Variants in FN1 observed in about 807,000 individuals in gnomAD.
FN1 encodes fibronectin 1.
A neutral mutation model predicts 297.3 loss-of-function variants in FN1; 106 were observed. The ratio of observed to expected loss-of-function variants is 0.36; its 90% CI spans 0.30 to 0.42. The LOEUF (loss-of-function observed/expected upper bound fraction) is 0.42, where lower values mean the gene tolerates loss of function less well. Among genes scored for constraint, FN1 ranks in the 10% least tolerant of loss-of-function variants. FN1 has a pLI of 1.00. For missense variants in FN1, 2,690 were observed against 3,124.9 expected, an observed-to-expected ratio of 0.86 and a Z score of 3.32; for synonymous variants, 1,149 against 1,152.6, an observed-to-expected ratio of 1.00 and a Z score of 0.06.
chr2:215,388,636 T>C (rs1482047425), intron 26 of FN1, among the ~76,000 whole-genome samples: 2 of 152,236 alleles, frequency 1.3e-5, no homozygotes, highest in Non-Finnish European at 2.9e-5. Context: ...GGGCACATGA[T>C]AATCCTTGCT....
Position 215,361,340 on chromosome 2 carries a change from G to T in FN1, c.*215C>A. 1 of 592,650 alleles carries T rather than the reference G, an allele frequency of 1.7e-6. No homozygotes were observed. Among genetic ancestry groups the T allele is most frequent in the Non-Finnish European group, 3.0e-6 (1 of 331,078 alleles). 36.7% of individuals were successfully genotyped at this position (592,650 alleles called of 1,614,324 possible). A position where few individuals can be genotyped will look rare whatever the true frequency, so the allele number is the denominator to read the frequency against. On this transcript the variant is annotated 3_prime_UTR_variant, in exon 46 of 46. Coordinates refer to ENST00000354785, the MANE Select transcript of FN1 (RefSeq NM_212482.4). ...GTATTGAATACTTCGAAGCAGAACAGGCAATGTGCAGCCCTCATTTATGAG... is the reference window on the plus strand; with the variant it reads ...GTATTGAATACTTCGAAGCAGAACATGCAATGTGCAGCCCTCATTTATGAG...
At position 215,383,390 on chromosome 2, in the gene FN1, T is replaced by C. The variant is rs1171294173; in HGVS notation, c.4988A>G (p.Tyr1663Cys). Residue 1663 changes from tyrosine (Y) to cysteine (C), a missense_variant, in exon 31 of 46, where the codon TAC (tyrosine) becomes TGC (cysteine). Physicochemically the swap from Tyr to Cys is radical, Grantham distance 194. This residue lies in a region of FN1 where 1,743 missense variants were observed against 1,945.2 expected (regional missense o/e 0.90). Coordinates refer to ENST00000354785, the MANE Select transcript of FN1 (RefSeq NM_212482.4). ...WLPSSSPVTG[Y>C]RVTTTPKNGP... ...ATTTTTGGGAGTGGTGGTTACTCTG[T>C]AACCAGTAACAGGGGAACTTGAAGG... 2 of 1,614,138 alleles carry C rather than the reference T, an allele frequency of 1.2e-6. No homozygotes were observed. The highest frequency in any genetic ancestry group is 1.7e-5 in the Admixed American group (1 of 60,026).
At chr2:215,381,682 C>A in intron 32 of FN1, 1 of 208,534 alleles carries the variant, frequency 4.8e-6, no homozygotes, top group East Asian at 1.3e-4. Flanking sequence ...CCATGTTGGT[C>A]AGGCTGGTCT....
intron 27 of FN1, among the ~76,000 whole-genome samples, chr2:215,387,290 A>T (rs564367581): frequency 6.6e-6 from 1 of 152,270 alleles, no homozygotes; most frequent in Non-Finnish European, 1.5e-5. Context: ...GAGAATTGAC[A>T]TTTTCAAATT....
At chr2:215,397,253 A>G (rs1188808748) in intron 22 of FN1, 30 bp from the exon 23 acceptor site, 3 of 1,500,606 alleles carry the variant, frequency 2.0e-6, no homozygotes, top group Admixed American at 3.3e-5. Context: ...TAAAAGTCAA[A>G]GCTGACACAA....
intron 40 of FN1, 109 bp downstream of exon 40, chr2:215,371,800 A>G (rs2056220724): frequency 3.2e-6 from 3 of 945,246 alleles, no homozygotes; most frequent in African/African-American, 1.6e-5. Flanking sequence ...GGCGTGAGCC[A>G]TCACACCCGG....
chr2:215,395,239 A>G (rs2060174592), intron 23 of FN1, among the ~76,000 whole-genome samples: 1 of 152,204 alleles, frequency 6.6e-6, no homozygotes, highest in Non-Finnish European at 1.5e-5. Flanking sequence ...AGAACCAAGA[A>G]AGGAGAAAAG....
intron 13 of FN1, 135 bp downstream of exon 13, chr2:215,414,702 C>A: frequency 6.9e-7 from 1 of 1,454,148 alleles, no homozygotes; most frequent in Non-Finnish European, 9.1e-7. Context: ...ATTGTTTGTT[C>A]ACTAAACAAA....
rs767376272 is a variant in FN1 at position 215,367,975 on chromosome 2, T to A, written c.6906A>T (p.Thr2302=). 4.3e-6 allele frequency: 7 copies of A among 1,614,086 alleles called. No individual in the cohort carries two copies. Among genetic ancestry groups the A allele is most frequent in the Admixed American group, 1.7e-5 (1 of 60,004 alleles). Residue 2302 remains threonine, a synonymous_variant, in exon 42 of 46, where the codon ACA becomes ACT. Coordinates refer to ENST00000354785, the MANE Select transcript of FN1 (RefSeq NM_212482.4). ...CATCTCCAACGGCATAATGGGAAAC[T>A]GTGTAGGGGTCAAAGCACGAGTCAT... ...PTDDSCFDPY[T]VSHYAVGDEW... is the part of the protein sequence containing the mutation.
rs1553629757 is a variant in FN1 at position 215,401,259 on chromosome 2, AAAGG to A, written c.3254-1912_3254-1909del. On this transcript the variant is annotated intron_variant, in intron 20 of 45. Coordinates refer to ENST00000354785, the MANE Select transcript of FN1 (RefSeq NM_212482.4). ...GAAAGAAAGAAAGAAAGGAAGAAAG[AAAGG>A]AAGGAAAGGAAAGGAAAGGAAGAAA... 3.1e-3 allele frequency among the ~76,000 whole-genome samples: 256 copies of A among 81,794 alleles called. 13 individuals carry two copies. Among genetic ancestry groups the A allele is most frequent in the African/African-American group, 0.012 (243 of 20,774 alleles). The allele number at this position is 81,794 out of a possible 152,430, so 53.7% of individuals were successfully genotyped here. A position where few individuals can be genotyped will look rare whatever the true frequency, so the allele number is the denominator to read the frequency against.
At chr2:215,387,556 G>A (rs1187445320) in intron 27 of FN1, among the ~76,000 whole-genome samples, 2 of 152,172 alleles carry the variant, frequency 1.3e-5, no homozygotes, top group Middle Eastern at 3.2e-3. Flanking sequence ...TTTCAAAAAT[G>A]CACAAAAATT....
chr2:215,367,801 G>A (rs2054934558), intron 42 of FN1, 62 bp downstream of exon 42: 3 of 1,526,480 alleles, frequency 2.0e-6, no homozygotes, highest in African/African-American at 1.4e-5. Context: ...CTTGGCACAT[G>A]AGTGCATGCA....
intron 12 of FN1, 23 bp from the exon 13 acceptor site, chr2:215,414,981 T>G (rs1477838856): frequency 6.3e-7 from 1 of 1,596,844 alleles, no homozygotes; most frequent in Middle Eastern, 1.7e-4. Flanking sequence ...ATGTAGCATT[T>G]AATTATCTTG....
At chr2:215,385,101 AATT>A in intron 28 of FN1, 125 bp from the exon 29 acceptor site, 1 of 716,118 alleles carries the variant, frequency 1.4e-6, no homozygotes, top group South Asian at 1.5e-5. Context: ...TACTACGTGT[AATT>A]AGCAGAATTT....
intron 12 of FN1, 134 bp from the exon 13 acceptor site, chr2:215,415,092 T>C: frequency 1.5e-6 from 1 of 649,370 alleles, no homozygotes; most frequent in Non-Finnish European, 2.7e-6. Flanking sequence ...TTATCTGGCA[T>C]TAATCTTTTA....
At chr2:215,375,527 G>T in intron 37 of FN1, 102 bp downstream of exon 37, 1 of 1,252,344 alleles carries the variant, frequency 8.0e-7, no homozygotes, top group South Asian at 1.3e-5. Context: ...AGATTCTCTG[G>T]AATCTATAAT....
At position 215,379,096 on chromosome 2, in the gene FN1, A is replaced by G. The variant is rs199507558; in HGVS notation, c.5622+34T>C. ...AGAAACTGTGTTAGAGATGATCTCC[A>G]TCTTTATTCCAATGAACAACGGTCA... On this transcript the variant is annotated intron_variant, in intron 34 of 45. Transcript: ENST00000354785. 125 of 1,579,904 alleles carry G rather than the reference A, an allele frequency of 7.9e-5. No individual in the cohort carries two copies. The East Asian group carries it at 2.8e-3, about 35-fold the overall frequency.
intron 11 of FN1, among the ~76,000 whole-genome samples, chr2:215,420,266 G>A (rs554777329): frequency 6.6e-6 from 1 of 151,960 alleles, no homozygotes; most frequent in African/African-American, 2.4e-5. Flanking sequence ...TTGAACCCAG[G>A]AAGCAGAGGT....
chr2:215,404,529 T>C lies in FN1; in HGVS notation c.3113A>G (p.Gln1038Arg), dbSNP rs1393714394. Residue 1038 changes from glutamine (Q) to arginine (R), a missense_variant, in exon 20 of 46, where the codon CAG becomes CGG. Transcript: ENST00000354785. ...GGGACCCACATTGTACTGCCTGGGC[T>C]GTCCTCTTCGGGTAAGGCCCACGGT... The part of the protein sequence containing the change: ...RLTVGLTRRG[Q>R]PRQYNVGPSV... 2 of 1,614,060 alleles carry C rather than the reference T, an allele frequency of 1.2e-6. No individual in the cohort carries two copies. Among genetic ancestry groups the C allele is most frequent in the Non-Finnish European group, 1.7e-6 (2 of 1,180,032 alleles).
Sources: gnomAD v4.1 joint callset for allele counts (sites outside exome capture counted in the v4.1 genomes callset) on GRCh38, gnomAD v4.1.1 for gene constraint, gnomAD v4.1.1 regional missense constraint, MANE v1.5 for transcripts, NCBI Gene and HGNC (gene_info 2026-07-23, HGNC 2026-07-21) for gene names.